ROBO1: variants seen among roughly 807,000 people sequenced by gnomAD.
ROBO1 encodes the protein roundabout homolog 1.
In ROBO1, 149 loss-of-function variants were observed where a neutral mutation model predicts 195.9. The observed-to-expected ratio is 0.76, with a 90% CI of 0.67 to 0.87. ROBO1 has a LOEUF of 0.87. ROBO1 is among the 40% of genes least tolerant of loss of function. ROBO1 has a pLI of 0.00. For missense variants in ROBO1, 1,933 were observed against 2,068.3 expected, an observed-to-expected ratio of 0.93 and a Z score of 1.27; for synonymous variants, 816 against 733.2, an observed-to-expected ratio of 1.11 and a Z score of -1.82.
chr3:79,047,127 C>A (rs549087336), intron 3 of ROBO1, among the ~76,000 whole-genome samples: 14 of 152,090 alleles, frequency 9.2e-5, no homozygotes, highest in African/African-American at 3.4e-4. Flanking sequence ...GAGGCTGCTG[C>A]TGGTGAAGGC....
intron 2 of ROBO1, among the ~76,000 whole-genome samples, chr3:79,297,982 A>G (rs2032682213): frequency 6.6e-6 from 1 of 152,140 alleles, no homozygotes; most frequent in African/African-American, 2.4e-5. Flanking sequence ...TCTCTTTTCT[A>G]AAGAGAAAGT....
chr3:79,076,858 T>G (rs1185463885), intron 3 of ROBO1, among the ~76,000 whole-genome samples: 2 of 151,850 alleles, frequency 1.3e-5, no homozygotes, highest in African/African-American at 4.8e-5. Flanking sequence ...AAGTTTTGTA[T>G]AGAGTGTTTG....
chr3:79,068,736 T>TA (rs1050700440), intron 3 of ROBO1, among the ~76,000 whole-genome samples: 6 of 151,554 alleles, frequency 4.0e-5, no homozygotes, highest in African/African-American at 7.3e-5. Flanking sequence ...AGTCCCCACT[T>TA]AAAAAAAATC....
At chr3:79,642,660 A>G (rs1164029185) in intron 1 of ROBO1, among the ~76,000 whole-genome samples, 1 of 152,188 alleles carries the variant, frequency 6.6e-6, no homozygotes, top group Non-Finnish European at 1.5e-5. Context: ...ACTGTATCCA[A>G]CAAATCTATC....
chr3:79,739,392 T>G (rs1703527404), intron 1 of ROBO1, among the ~76,000 whole-genome samples: 1 of 152,180 alleles, frequency 6.6e-6, no homozygotes, highest in Non-Finnish European at 1.5e-5. Flanking sequence ...TTCCTGGAGC[T>G]AAACCTTTGT....
chr3:79,116,877 G>C (rs1385672977), intron 3 of ROBO1, among the ~76,000 whole-genome samples: 1 of 152,100 alleles, frequency 6.6e-6, no homozygotes, highest in Non-Finnish European at 1.5e-5. Flanking sequence ...CATGTAAATG[G>C]TTGGTATACT....
chr3:78,643,729 T>C (rs539843574), intron 21 of ROBO1, among the ~76,000 whole-genome samples: 2 of 152,250 alleles, frequency 1.3e-5, no homozygotes, highest in African/African-American at 4.8e-5. Context: ...ACATGATCAA[T>C]ATGCATTTCA....
chr3:79,465,068 T>C (rs1286328426), intron 2 of ROBO1, among the ~76,000 whole-genome samples: 1 of 152,210 alleles, frequency 6.6e-6, no homozygotes, highest in Non-Finnish European at 1.5e-5. Context: ...ACTTGAATCG[T>C]ATTCTTAATA....
intron 4 of ROBO1, among the ~76,000 whole-genome samples, chr3:78,900,633 C>T (rs998081047): frequency 2.0e-5 from 3 of 152,032 alleles, no homozygotes; most frequent in African/African-American, 7.2e-5. Context: ...TAATCTCTGC[C>T]TACATACTTG....
Position 78,685,754 on chromosome 3 carries a change from AC to A in ROBO1, c.1333del (p.Val445LeufsTer4). 1 of 1,602,784 alleles carries A rather than the reference AC, an allele frequency of 6.2e-7. No individual in the cohort carries two copies. The highest frequency in any genetic ancestry group is 8.5e-7 in the Non-Finnish European group (1 of 1,172,316). On this transcript the variant is annotated frameshift_variant, in exon 10 of 31. Transcript: ENST00000464233. LOFTEE classifies it high-confidence loss of function. ...GSIITKAYLE[V>X]TDVIADRPPP... is the part of the protein sequence containing the mutation. ...AATGTTTTACACTTTACCATCTGTA[AC>A]TTCCAAATATGCCTTTGTGATGATG...
intron 1 of ROBO1, among the ~76,000 whole-genome samples, chr3:79,754,310 G>A (rs549116631): frequency 8.1e-4 from 124 of 152,282 alleles, no homozygotes; most frequent in African/African-American, 2.8e-3. Flanking sequence ...CACTGAAGCT[G>A]TGGGACTGGT....
intron 2 of ROBO1, among the ~76,000 whole-genome samples, chr3:79,260,164 GTTAAAATCTAAT>G (rs760603647): frequency 3.3e-5 from 5 of 151,386 alleles, no homozygotes; most frequent in Non-Finnish European, 7.4e-5. Context: ...AGCTAATTGA[GTTAAAATCTAAT>G]TTAAAACTGT....
At chr3:79,154,815 T>TGAAA (rs2080831023) in intron 2 of ROBO1, among the ~76,000 whole-genome samples, 4 of 151,846 alleles carry the variant, frequency 2.6e-5, no homozygotes, top group African/African-American at 9.7e-5. Context: ...AGTAAGCTTT[T>TGAAA]GAAAGTAAAT....
At chr3:79,250,745 TA>T (rs1383371231) in intron 2 of ROBO1, among the ~76,000 whole-genome samples, 1 of 152,172 alleles carries the variant, frequency 6.6e-6, no homozygotes, top group Non-Finnish European at 1.5e-5. Context: ...CCCTATGGAA[TA>T]TTTTTTAGCT....
chr3:78,844,278 A>C (rs183039234), intron 4 of ROBO1, among the ~76,000 whole-genome samples: 48 of 152,242 alleles, frequency 3.2e-4, no homozygotes, highest in Non-Finnish European at 1.5e-5. Context: ...ATTTGCTTCT[A>C]AGAGAATTGT....
chr3:79,432,920 A>G (rs1260771968), intron 2 of ROBO1, among the ~76,000 whole-genome samples: 1 of 152,202 alleles, frequency 6.6e-6, no homozygotes, highest in African/African-American at 2.4e-5. Flanking sequence ...ATTAGTCCAA[A>G]GTTGTTTCCT....
chr3:79,529,585 A>G (rs920819051), intron 2 of ROBO1, among the ~76,000 whole-genome samples: 2 of 152,254 alleles, frequency 1.3e-5, no homozygotes, highest in African/African-American at 4.8e-5. Flanking sequence ...GCACTGCAAC[A>G]CTGTGACAGC....
At position 79,152,724 on chromosome 3, in the gene ROBO1, T is replaced by A. The variant is rs111981591; in HGVS notation, c.89-27185A>T. Among the ~76,000 whole-genome samples the A allele has an allele frequency of 2.3e-3, 345 of 151,746 alleles. 2 individuals carry two copies. Among genetic ancestry groups the A allele is most frequent in the African/African-American group, 7.8e-3 (325 of 41,450 alleles). The stretch of plus-strand genomic sequence containing the variant: ...AAACCGAAATAACAGAAAAACAGAA[T>A]AATTGCAGATTGGGCCAGAAACAAA... On this transcript the variant is annotated intron_variant, in intron 2 of 30. Transcript: ENST00000464233.
At chr3:78,750,454 A>AAAATAAAT (rs60201979) in intron 4 of ROBO1, among the ~76,000 whole-genome samples, 4,860 of 135,930 alleles carry the variant, frequency 0.036, 114 homozygotes, top group East Asian at 0.041. Flanking sequence ...CTCCATCTCA[A>AAAATAAAT]AAATAAATAA....
Sources: gnomAD v4.1 joint callset for allele counts (sites outside exome capture counted in the v4.1 genomes callset) on GRCh38, gnomAD v4.1.1 for gene constraint, MANE v1.5 for transcripts, NCBI Gene and HGNC (gene_info 2026-07-23, HGNC 2026-07-21) for gene names.